Variants in KALRN observed in about 807,000 individuals in gnomAD.
KALRN encodes the protein kalirin RhoGEF kinase, also known as kalirin.
KALRN carries 70 observed loss-of-function variants against 353.7 expected under a neutral mutation model. The ratio of observed to expected loss-of-function variants is 0.20; its 90% CI spans 0.16 to 0.24. The LOEUF is 0.24. Ranked by LOEUF, KALRN falls within the 10% of genes least tolerant of loss-of-function variation. The pLI, the probability that KALRN is intolerant of heterozygous loss-of-function variation, is 1.00. For synonymous variants in KALRN, 1,391 were observed against 1,434.8 expected (o/e 0.97, Z 0.69); for missense variants, 2,791 against 3,756.7 (o/e 0.74, Z 6.72).
In KALRN at chr3:124,398,889, G is replaced by A. The variant is rs751622107; in HGVS notation, c.2346+18G>A. On this transcript the variant is annotated intron_variant, in intron 13 of 59. Transcript: ENST00000682506. ...CCATCGAGGTAGCAGGGGGCCAGGAGGGGAGGTGGAGAGGGGCCAAGAAGT... is the reference window on the plus strand; with the variant it reads ...CCATCGAGGTAGCAGGGGGCCAGGAAGGGAGGTGGAGAGGGGCCAAGAAGT... 2 of 1,587,190 alleles carry A rather than the reference G, an allele frequency of 1.3e-6. No homozygotes were observed. The highest frequency in any genetic ancestry group is 2.2e-5 in the East Asian group (1 of 44,506).
chr3:124,037,269 G>GGT (rs1171916254), intron 1 of KALRN, among the ~76,000 whole-genome samples: 1 of 152,228 alleles, frequency 6.6e-6, no homozygotes, highest in Non-Finnish European at 1.5e-5. Context: ...TAAGCGTTGT[G>GGT]GTGCTATAAG....
At chr3:124,324,202 C>T (rs912457890) in intron 6 of KALRN, among the ~76,000 whole-genome samples, 1 of 152,214 alleles carries the variant, frequency 6.6e-6, no homozygotes. Flanking sequence ...CTTCCTGGGA[C>T]CATGCCCAAG....
rs753215758 is a variant in KALRN, at chr3:124,269,070, G to A, written c.784G>A (p.Asp262Asn). 1.2e-6 allele frequency: 2 copies of A among 1,612,488 alleles called. No individual in the cohort carries two copies. Among genetic ancestry groups the A allele is most frequent in the Non-Finnish European group, 1.7e-6 (2 of 1,179,448 alleles). ...QRLLQCIRCS[D>N]GFSGRNCIPG... ...GCTGCTGCAGTGCATCCGCTGCAGCGACGGCTTCTCAGGACGCAACTGCAT... is the reference window on the plus strand; with the variant it reads ...GCTGCTGCAGTGCATCCGCTGCAGCAACGGCTTCTCAGGACGCAACTGCAT... Residue 262 changes from aspartate to asparagine, a missense_variant, in exon 5 of 60, where the codon GAC (aspartate) becomes AAC (asparagine). This residue lies in a region of KALRN where 366 missense variants were observed against 489.2 expected (regional missense o/e 0.75). Transcript: ENST00000682506.
rs1239125470 is a variant in KALRN at position 124,721,423 on chromosome 3, A to G, written c.*1953A>G. 1.3e-5 allele frequency: 2 copies of G among 152,176 alleles called. No individual in the cohort carries two copies. The highest frequency in any genetic ancestry group is 1.5e-5 in the Non-Finnish European group (1 of 68,026). The allele number at this position is 152,176 out of a possible 1,614,324, so 9.4% of individuals were successfully genotyped here. ...CTCTCGACTAACCCCTATAGTCTTC[A>G]TTTGGACCTTTATGTATTTACAAAC... On this transcript the variant is annotated 3_prime_UTR_variant, in exon 60 of 60. Coordinates refer to ENST00000682506, the MANE Select transcript of KALRN (RefSeq NM_001388419.1).
chr3:124,227,678 T>G (rs1181940147), intron 1 of KALRN, among the ~76,000 whole-genome samples: 13 of 40,688 alleles, frequency 3.2e-4, no homozygotes, highest in South Asian at 1.5e-3. Context: ...TTTTTTTTTT[T>G]TTTTTTTTTT....
chr3:124,563,110 G>C (rs767156594), intron 34 of KALRN, 21 bp downstream of exon 34: 15 of 1,362,072 alleles, frequency 1.1e-5, no homozygotes, highest in Non-Finnish European at 1.5e-5. Flanking sequence ...AGAGCGGGTG[G>C]GAGGCACAGA....
chr3:124,693,657 G>T, intron 51 of KALRN, 147 bp from the exon 52 acceptor site: 1 of 521,596 alleles, frequency 1.9e-6, no homozygotes. Context: ...TAATGTGACA[G>T]TAATACAGTC....
At chr3:124,088,548 A>T (rs957543736) in intron 1 of KALRN, among the ~76,000 whole-genome samples, 1 of 152,228 alleles carries the variant, frequency 6.6e-6, no homozygotes, top group Non-Finnish European at 1.5e-5. Context: ...TTGCAGGAGA[A>T]TGCACTAACC....
At chr3:124,527,740 C>T (rs1475418562) in intron 33 of KALRN, among the ~76,000 whole-genome samples, 1 of 152,090 alleles carries the variant, frequency 6.6e-6, no homozygotes, top group African/African-American at 2.4e-5. Context: ...CAGAAATGTA[C>T]CCCAGAAGTC....
intron 51 of KALRN, among the ~76,000 whole-genome samples, chr3:124,686,798 A>ATTTTTTT (rs10599336): frequency 9.9e-5 from 7 of 70,828 alleles, no homozygotes; most frequent in Admixed American, 1.9e-4. Context: ...CACTGGTGAG[A>ATTTTTTT]TTTTTTTTTT....
At chr3:124,627,936 T>G (rs73191697) in intron 34 of KALRN, among the ~76,000 whole-genome samples, 5,500 of 152,298 alleles carry the variant, frequency 0.036, 126 homozygotes, top group East Asian at 0.09. Flanking sequence ...CCAGAGAATT[T>G]TAGAAGCTCA....
In KALRN at chr3:124,494,531, T is replaced by G. The variant is rs75589696; in HGVS notation, c.4832+1649T>G. Among the ~76,000 whole-genome samples the G allele has an allele frequency of 9.4e-3, 1,439 of 152,334 alleles. 12 individuals are homozygous for G. Among genetic ancestry groups the G allele is most frequent in the Middle Eastern group, 0.017 (5 of 294 alleles). ...AAGTCCTTTATTTTTGGTTTTGAAA[T>G]GCGTCACATAAAGTCTTTTTACAGC... On this transcript the variant is annotated intron_variant, in intron 32 of 59. Coordinates refer to ENST00000682506, the MANE Select transcript of KALRN (RefSeq NM_001388419.1).
rs535250770 is a variant in KALRN, at chr3:124,078,060, C to T, written c.73+44247C>T. ...AAGGTATTATTCAAGGACCTCTACG[C>T]TCTGGCCCCGGTATTACCTGTCCCA... On this transcript the variant is annotated intron_variant, in intron 1 of 59. Coordinates refer to ENST00000682506, the MANE Select transcript of KALRN (RefSeq NM_001388419.1). 9.8e-5 allele frequency among the ~76,000 whole-genome samples: 15 copies of T among 152,374 alleles called. No homozygotes were observed. The South Asian group carries it at 2.9e-3, about 29-fold the overall frequency.
intron 34 of KALRN, among the ~76,000 whole-genome samples, chr3:124,626,839 T>G (rs773868774): frequency 6.6e-6 from 1 of 152,226 alleles, no homozygotes; most frequent in Middle Eastern, 3.2e-3. Context: ...TAAGATTAAA[T>G]ACATGTGTGG....
chr3:124,704,112 A>G (rs1033611810), intron 57 of KALRN, among the ~76,000 whole-genome samples: 1 of 152,188 alleles, frequency 6.6e-6, no homozygotes, highest in African/African-American at 2.4e-5. Context: ...TTACTAGCAT[A>G]TATTGTTTCT....
intron 1 of KALRN, among the ~76,000 whole-genome samples, chr3:124,142,670 G>C (rs924086071): frequency 2.0e-5 from 3 of 152,006 alleles, no homozygotes; most frequent in Non-Finnish European, 4.4e-5. Flanking sequence ...GTGGGGAGAG[G>C]CCTGTGTGTG....
rs139676424 is a variant in KALRN at position 124,040,059 on chromosome 3, G to A, written c.73+6246G>A. Among the ~76,000 whole-genome samples, 4 of 152,190 alleles carry A rather than the reference G, an allele frequency of 2.6e-5. No individual in the cohort carries two copies. In the East Asian group the frequency reaches 7.7e-4, roughly 29 times the overall value. On this transcript the variant is annotated intron_variant, in intron 1 of 59. Coordinates refer to ENST00000682506, the MANE Select transcript of KALRN (RefSeq NM_001388419.1). ...TCCAGGTCCACCTCTGTAAGATTTG[G>A]TAAGCTTTGCTTCATCCTTGTGCCA...
chr3:124,559,035 A>T (rs2071613319), intron 33 of KALRN, among the ~76,000 whole-genome samples: 1 of 152,256 alleles, frequency 6.6e-6, no homozygotes, highest in Admixed American at 6.5e-5. Flanking sequence ...GTAAAAATAG[A>T]CCTAAATGAA....
chr3:124,487,610 C>G (rs2062705048), intron 28 of KALRN, among the ~76,000 whole-genome samples: 2 of 152,096 alleles, frequency 1.3e-5, no homozygotes, highest in African/African-American at 4.8e-5. Context: ...ATCTATTGGC[C>G]CCAGATTAGG....
Sources: allele counts gnomAD v4.1 joint callset (sites outside exome capture counted in the v4.1 genomes callset), GRCh38; gene constraint gnomAD v4.1.1; regional missense constraint gnomAD v4.1.1; transcripts MANE v1.5; gene names NCBI Gene and HGNC (gene_info 2026-07-23, HGNC 2026-07-21).